HDAC4: variants seen among roughly 807,000 people sequenced by gnomAD.
The protein encoded by HDAC4 is histone deacetylase A.
HDAC4 carries 16 observed loss-of-function variants against 135.1 expected under a neutral mutation model. The ratio of observed to expected loss-of-function variants is 0.12; its 90% CI spans 0.08 to 0.18. The LOEUF is 0.18. Among genes scored for constraint, HDAC4 ranks in the 10% least tolerant of loss-of-function variants. The pLI is 1.00. For missense variants in HDAC4, 1,143 were observed against 1,511.8 expected (o/e 0.76, Z 4.05); for synonymous variants, 685 against 653.4 (o/e 1.05, Z -0.74).
intron 21 of HDAC4, 39 bp from the exon 22 acceptor site, chr2:239,081,231 G>A (rs754594536): frequency 3.3e-5 from 51 of 1,543,050 alleles, no homozygotes; most frequent in Non-Finnish European, 4.3e-5. Flanking sequence ...CATGGACCCC[G>A]AGCGGGACCT....
chr2:239,309,284 C>G lies in HDAC4; in HGVS notation c.22+43394G>C, dbSNP rs913994822. The stretch of plus-strand genomic sequence containing the variant: ...CACATTACATAACAAGCAGATGATA[C>G]GAGAGATCACCACAGTGTTTCGGCT... On this transcript the variant is annotated intron_variant, in intron 2 of 26. Coordinates refer to ENST00000543185, the MANE Select transcript of HDAC4 (RefSeq NM_001378414.1). This position sits in a 1 kb window ranked among gnomAD's most constrained non-coding sequence, Gnocchi z 4.2. 6.6e-6 allele frequency: 1 copy of G among 152,010 alleles called. No individual in the cohort carries two copies. The highest frequency in any genetic ancestry group is 1.5e-5 in the Non-Finnish European group (1 of 68,026). The allele number at this position is 152,010 out of a possible 1,614,324, so 9.4% of individuals were successfully genotyped here. A position where few individuals can be genotyped will look rare whatever the true frequency, so the allele number is the denominator to read the frequency against.
chr2:239,206,663 G>GAA (rs35571265), intron 3 of HDAC4, among the ~76,000 whole-genome samples: 2,551 of 130,910 alleles, frequency 0.019, 82 homozygotes, highest in East Asian at 0.14. Context: ...CTCAAGGACT[G>GAA]AAAAAAAAAA....
intron 8 of HDAC4, among the ~76,000 whole-genome samples, chr2:239,140,717 G>A (rs2152903629): frequency 6.6e-6 from 1 of 152,344 alleles, no homozygotes; most frequent in Middle Eastern, 3.4e-3. Flanking sequence ...AGGTCAGAAG[G>A]AAGGGACATG....
intron 2 of HDAC4, among the ~76,000 whole-genome samples, chr2:239,350,504 T>G (rs1693058235): frequency 6.6e-6 from 1 of 151,968 alleles, no homozygotes; most frequent in East Asian, 1.9e-4. Context: ...TATATATAAA[T>G]GAGAGAACTT....
intron 5 of HDAC4, among the ~76,000 whole-genome samples, 175 bp downstream of exon 5, chr2:239,176,238 G>A (rs2043756630): frequency 8.2e-6 from 1 of 122,232 alleles, no homozygotes; most frequent in Non-Finnish European, 1.7e-5. Flanking sequence ...CCTCTGCCCA[G>A]CCTTCCGTGC....
chr2:239,258,506 A>G (rs988439442), intron 2 of HDAC4, among the ~76,000 whole-genome samples: 2 of 152,252 alleles, frequency 1.3e-5, no homozygotes, highest in African/African-American at 4.8e-5. Flanking sequence ...TATCTTTCAC[A>G]GTGCAGAAGG....
chr2:239,179,460 G>C (rs1026881656), intron 4 of HDAC4, among the ~76,000 whole-genome samples: 2 of 152,144 alleles, frequency 1.3e-5, no homozygotes, highest in Non-Finnish European at 2.9e-5. Flanking sequence ...TGTGCGTGTG[G>C]GGGATTTAGG....
Position 239,308,186 on chromosome 2 carries a change from A to C in HDAC4, c.22+44492T>G, listed in dbSNP as rs2052698874. On this transcript the variant is annotated intron_variant, in intron 2 of 26. Transcript: ENST00000543185. The surrounding 1 kb of genome is among the most constrained non-coding windows in gnomAD (Gnocchi z 4.2). Reference sequence around the variant, plus strand: ...TGTGAGATGGGGGTGGTCAGCGTGCAGGAAGCCCTCCTTGACGATGAGCTA... The same window carrying C: ...TGTGAGATGGGGGTGGTCAGCGTGCCGGAAGCCCTCCTTGACGATGAGCTA... 6.6e-6 allele frequency among the ~76,000 whole-genome samples: 1 copy of C among 152,134 alleles called. No individual in the cohort carries two copies. The highest frequency in any genetic ancestry group is 1.5e-5 in the Non-Finnish European group (1 of 68,004).
chr2:239,183,889 G>T (rs2044314862), intron 4 of HDAC4, among the ~76,000 whole-genome samples: 2 of 144,144 alleles, frequency 1.4e-5, no homozygotes, highest in South Asian at 5.0e-4. Context: ...CATGACCCAC[G>T]CTCCCAGTGC....
intron 24 of HDAC4, among the ~76,000 whole-genome samples, chr2:239,056,875 C>T (rs2031931674): frequency 6.6e-6 from 1 of 152,200 alleles, no homozygotes; most frequent in African/African-American, 2.4e-5. Flanking sequence ...TGATCTTCCT[C>T]CCCAAAGCAC....
intron 1 of HDAC4, among the ~76,000 whole-genome samples, chr2:239,370,203 A>G (rs1338237491): frequency 6.6e-6 from 1 of 152,124 alleles, no homozygotes; most frequent in African/African-American, 2.4e-5. Flanking sequence ...CAACCATGCA[A>G]CCCTTAGCCA....
chr2:239,133,616 G>A (rs756605081), intron 11 of HDAC4, among the ~76,000 whole-genome samples: 4 of 152,100 alleles, frequency 2.6e-5, no homozygotes, highest in East Asian at 1.9e-4. Context: ...ACAGGTGTGC[G>A]CCACCACGCC....
At chr2:239,215,389 G>A (rs1004577604) in intron 3 of HDAC4, among the ~76,000 whole-genome samples, 12 of 152,258 alleles carry the variant, frequency 7.9e-5, no homozygotes, top group Non-Finnish European at 1.5e-5. Context: ...GCTGCTGGGA[G>A]CCCAGAGAAG....
At chr2:239,300,982 G>A (rs1347684530) in intron 2 of HDAC4, among the ~76,000 whole-genome samples, 1 of 152,182 alleles carries the variant, frequency 6.6e-6, no homozygotes, top group Non-Finnish European at 1.5e-5. Context: ...TTTTCCTGGG[G>A]CTGCCCGTCC....
chr2:239,236,323 G>T (rs1305762469), intron 3 of HDAC4, among the ~76,000 whole-genome samples: 2 of 152,150 alleles, frequency 1.3e-5, no homozygotes, highest in African/African-American at 2.4e-5. Flanking sequence ...GGCAGTTGGT[G>T]CCTTTGGGAA....
At chr2:239,227,030 C>T (rs973327494) in intron 3 of HDAC4, among the ~76,000 whole-genome samples, 1 of 152,198 alleles carries the variant, frequency 6.6e-6, no homozygotes, top group Admixed American at 6.5e-5. Flanking sequence ...CCACAAAATG[C>T]TGGAAGTCAG....
chr2:239,196,307 C>T (rs1223449807), intron 3 of HDAC4, among the ~76,000 whole-genome samples: 1 of 152,162 alleles, frequency 6.6e-6, no homozygotes, highest in Non-Finnish European at 1.5e-5. Flanking sequence ...AGTAATGAAA[C>T]CAGCACCAGT....
At chr2:239,322,437 G>T (rs11675637) in intron 2 of HDAC4, among the ~76,000 whole-genome samples, 3 of 152,128 alleles carry the variant, frequency 2.0e-5, no homozygotes, top group Non-Finnish European at 4.4e-5. Flanking sequence ...GGACCCATCC[G>T]TAGGCTGTTG....
At chr2:239,176,679 T>C in intron 4 of HDAC4, 116 bp from the exon 5 acceptor site, 2 of 899,846 alleles carry the variant, frequency 2.2e-6, no homozygotes, top group Non-Finnish European at 3.5e-6. Flanking sequence ...GGTGTGGCCC[T>C]GGGCACTGCC....
Sources: gnomAD v4.1 joint callset for allele counts (sites outside exome capture counted in the v4.1 genomes callset) on GRCh38, gnomAD v4.1.1 for gene constraint, Gnocchi (gnomAD v3.1) non-coding constraint, MANE v1.5 for transcripts, NCBI Gene and HGNC (gene_info 2026-07-23, HGNC 2026-07-21) for gene names.